The following PSEN1 variants were observed in gnomAD, a reference collection of about 807,000 sequenced individuals.
PSEN1 encodes the protein presenilin 1.
Under a neutral mutation model 53.5 loss-of-function variants are expected in PSEN1, and 15 were observed. That is an observed-to-expected ratio of 0.28 (90% CI 0.19 to 0.43). PSEN1 has a LOEUF of 0.43. PSEN1 is among the 20% of genes least tolerant of loss of function. PSEN1 has a pLI of 1.00. For missense variants in PSEN1, 387 were observed against 571.2 expected (o/e 0.68, Z 3.29); for synonymous variants, 208 against 209.8 (o/e 0.99, Z 0.08).
At chr14:73,207,698 A>G (rs1338276847) in intron 9 of PSEN1, among the ~76,000 whole-genome samples, 1 of 152,196 alleles carries the variant, frequency 6.6e-6, no homozygotes, top group African/African-American at 2.4e-5. Flanking sequence ...CCTTTTCCTG[A>G]GATTTGCTCA....
intron 1 of PSEN1, among the ~76,000 whole-genome samples, chr14:73,140,445 G>A (rs900383757): frequency 6.6e-6 from 1 of 151,774 alleles, no homozygotes; most frequent in Non-Finnish European, 1.5e-5. Context: ...TCCTGACCTC[G>A]TGATCCACCC....
intron 7 of PSEN1, 151 bp from the exon 8 acceptor site, chr14:73,197,870 CAGTTCACCTG>C: frequency 1.6e-6 from 1 of 618,148 alleles, no homozygotes. Context: ...CCACCCCCAC[CAGTTCACCTG>C]CCATTTATTT....
chr14:73,220,086 C>CT lies in PSEN1; in HGVS notation c.*798dup, dbSNP rs1419634013. ...AGTACAGCTATTTCTCATCAATTCT[C>CT]TATCATGTTGAAGTCAAATTTGGAT... On this transcript the variant is annotated 3_prime_UTR_variant, in exon 12 of 12. Transcript: ENST00000324501. The CT allele has an allele frequency of 6.6e-6, 1 of 152,208 alleles. No homozygotes were observed. Among genetic ancestry groups the CT allele is most frequent in the Non-Finnish European group, 1.5e-5 (1 of 68,048 alleles). The allele number at this position is 152,208 out of a possible 1,614,324, so 9.4% of individuals were successfully genotyped here. A position where few individuals can be genotyped will look rare whatever the true frequency, so the allele number is the denominator to read the frequency against.
At chr14:73,213,882 A>G (rs896823057) in intron 10 of PSEN1, among the ~76,000 whole-genome samples, 8 of 152,228 alleles carry the variant, frequency 5.3e-5, no homozygotes, top group Admixed American at 6.5e-5. Flanking sequence ...GAATCCTCAT[A>G]CACTGCTGGT....
chr14:73,178,493 C>A (rs1898111878), intron 5 of PSEN1, among the ~76,000 whole-genome samples: 2 of 152,100 alleles, frequency 1.3e-5, no homozygotes, highest in Non-Finnish European at 2.9e-5. Flanking sequence ...TGGCTCTTTA[C>A]CCTCTTCTGG....
At chr14:73,177,108 A>G (rs895553807) in intron 5 of PSEN1, among the ~76,000 whole-genome samples, 5 of 151,952 alleles carry the variant, frequency 3.3e-5, no homozygotes, top group Non-Finnish European at 7.4e-5. Context: ...TCCTTTTTGC[A>G]GTTTTCTAAA....
At chr14:73,178,991 T>A (rs1249801251) in intron 5 of PSEN1, among the ~76,000 whole-genome samples, 3 of 152,166 alleles carry the variant, frequency 2.0e-5, no homozygotes, top group Non-Finnish European at 4.4e-5. Context: ...ATCATATCCA[T>A]ACTCACTCAC....
chr14:73,155,905 C>T (rs1897340305), intron 3 of PSEN1, among the ~76,000 whole-genome samples: 4 of 152,166 alleles, frequency 2.6e-5, no homozygotes. Context: ...CTAAGGTAAA[C>T]TGTGGACTGT....
rs10701455 is a variant in PSEN1, at chr14:73,177,391, GTGTTTTTGTTTT to G, written c.480+3703_480+3714del. 3.4e-4 allele frequency among the ~76,000 whole-genome samples: 52 copies of G among 151,824 alleles called. No individual in the cohort carries two copies. The East Asian group carries it at 3.9e-3, about 11-fold the overall frequency. ...GCTTTGCTGGGGTTTTTTTGTGTGT[GTGTTTTTGTTTT>G]TGTTTTTGTTTTTGTTTTGAGATAA... is the stretch of plus-strand genomic sequence containing the variant. On this transcript the variant is annotated intron_variant, in intron 5 of 11. Transcript: ENST00000324501.
rs1900130706 is a variant in PSEN1, at chr14:73,222,217, G to A, written c.*2928G>A. Reference sequence around the variant, plus strand: ...AAAGTAGAAGCTTTCTAAGCAACTTGGAAGAAAACAGTCATAAGTAAGCAA... The same window carrying A: ...AAAGTAGAAGCTTTCTAAGCAACTTAGAAGAAAACAGTCATAAGTAAGCAA... On this transcript the variant is annotated 3_prime_UTR_variant, in exon 12 of 12. Transcript: ENST00000324501. 1 of 152,082 alleles carries A rather than the reference G, an allele frequency of 6.6e-6. No individual in the cohort carries two copies. The highest frequency in any genetic ancestry group is 2.1e-4 in the South Asian group (1 of 4,822). 9.4% of individuals were successfully genotyped at this position (152,082 alleles called of 1,614,324 possible).
Position 73,219,382 on chromosome 14 carries a change from C to A in PSEN1, c.*93C>A. 1 of 1,353,152 alleles carries A rather than the reference C, an allele frequency of 7.4e-7. No individual in the cohort carries two copies. The highest frequency in any genetic ancestry group is 1.1e-6 in the Non-Finnish European group (1 of 951,896). The allele number at this position is 1,353,152 out of a possible 1,614,324, so 83.8% of individuals were successfully genotyped here. On this transcript the variant is annotated 3_prime_UTR_variant, in exon 12 of 12. Transcript: ENST00000324501. ...GTGATTTTCCTGTGTCCACATCTAA[C>A]AAAGTCAAGATTCCCGGCTGGACTT...
At chr14:73,192,458 C>CA (rs1336612344) in intron 6 of PSEN1, among the ~76,000 whole-genome samples, 186 bp from the exon 7 acceptor site, 9 of 150,904 alleles carry the variant, frequency 6.0e-5, no homozygotes, top group Admixed American at 1.3e-4. Context: ...AAAACAAAAA[C>CA]AAAAAAAGAG....
chr14:73,193,547 C>T (rs113020306), intron 7 of PSEN1, among the ~76,000 whole-genome samples: 4 of 64,964 alleles, frequency 6.2e-5, no homozygotes, highest in South Asian at 1.7e-3. Flanking sequence ...GAGACTCTGT[C>T]TCAAAAAAAA....
Position 73,219,435 on chromosome 14 carries a change from C to T in PSEN1, c.*146C>T, listed in dbSNP as rs202109608. On this transcript the variant is annotated 3_prime_UTR_variant, in exon 12 of 12. Transcript: ENST00000324501. ...GCAGCTTCCTTCCAAGTCTTCCTGA[C>T]CACCTTGCACTATTGGACTTTGGAA... The T allele has an allele frequency of 4.5e-6, 4 of 893,054 alleles. No homozygotes were observed. Among genetic ancestry groups the T allele is most frequent in the Non-Finnish European group, 7.3e-6 (4 of 548,772 alleles). The allele number at this position is 893,054 out of a possible 1,614,324, so 55.3% of individuals were successfully genotyped here.
chr14:73,183,332 G>T (rs1042497745), intron 5 of PSEN1, among the ~76,000 whole-genome samples: 21 of 151,812 alleles, frequency 1.4e-4, no homozygotes, highest in African/African-American at 4.4e-4. Flanking sequence ...TAATTCTTGG[G>T]TGTTTCTCAC....
At chr14:73,217,430 G>T (rs554368425) in intron 11 of PSEN1, among the ~76,000 whole-genome samples, 186 bp downstream of exon 11, 18 of 152,242 alleles carry the variant, frequency 1.2e-4, no homozygotes, top group Non-Finnish European at 7.3e-5. Flanking sequence ...AATCACTTGG[G>T]AGCTTTTAAA....
rs144777325 is a variant in PSEN1, at chr14:73,144,528, C to A, written c.-135-3267C>A. On this transcript the variant is annotated intron_variant, in intron 1 of 11. Transcript: ENST00000324501. ...ACCGTAATCCTCATTGCTGTAAACT[C>A]CTACGGGGCAGGTTTGGAGTTTTAT... is the stretch of plus-strand genomic sequence containing the variant. Among the ~76,000 whole-genome samples the A allele has an allele frequency of 1.6e-3, 251 of 152,238 alleles. 1 individual carries two copies. The highest frequency in any genetic ancestry group is 5.6e-3 in the African/African-American group (231 of 41,544).
At chr14:73,202,439 T>TATAC (rs1899241602) in intron 8 of PSEN1, among the ~76,000 whole-genome samples, 1 of 17,400 alleles carries the variant, frequency 5.7e-5, no homozygotes, top group Non-Finnish European at 1.1e-4. Context: ...TATATATATA[T>TATAC]ATATATATAT....
chr14:73,205,055 G>A (rs1258948269), intron 8 of PSEN1, among the ~76,000 whole-genome samples: 2 of 152,150 alleles, frequency 1.3e-5, no homozygotes, highest in Non-Finnish European at 2.9e-5. Context: ...TAACAAGGTG[G>A]TCGTTCAGCT....
Sources: gnomAD v4.1 joint callset for allele counts (sites outside exome capture counted in the v4.1 genomes callset) on GRCh38, gnomAD v4.1.1 for gene constraint, MANE v1.5 for transcripts, NCBI Gene and HGNC (gene_info 2026-07-23, HGNC 2026-07-21) for gene names.